Variants in FGFRL1 observed in about 807,000 individuals in gnomAD.
FGFRL1 encodes fibroblast growth factor receptor-like 1.
A neutral mutation model predicts 36.8 loss-of-function variants in FGFRL1; 24 were observed. The ratio of observed to expected loss-of-function variants is 0.65; its 90% CI spans 0.47 to 0.92. The LOEUF is 0.92. Ranked by LOEUF, FGFRL1 falls within the 40% of genes least tolerant of loss-of-function variation. FGFRL1 has a pLI of 0.00. For synonymous variants in FGFRL1, 422 were observed against 344.1 expected (o/e 1.23, Z -2.50); for missense variants, 785 against 753.4 (o/e 1.04, Z -0.49).
intron 2 of FGFRL1, 21 bp downstream of exon 2, chr4:1,012,585 C>G (rs749805497): frequency 2.1e-4 from 263 of 1,235,562 alleles, no homozygotes; most frequent in South Asian, 1.5e-4. Flanking sequence ...GCGCCCAGCC[C>G]GGCCAGCCTG....
Position 1,026,185 on chromosome 4 carries a change from G to T in FGFRL1, c.*838G>T. 6.5e-6 allele frequency: 1 copy of T among 154,130 alleles called. No individual in the cohort carries two copies. Among genetic ancestry groups the T allele is most frequent in the Non-Finnish European group, 1.4e-5 (1 of 70,110 alleles). 9.5% of individuals were successfully genotyped at this position (154,130 alleles called of 1,614,324 possible). On this transcript the variant is annotated 3_prime_UTR_variant, in exon 7 of 7. Coordinates refer to ENST00000510644, the MANE Select transcript of FGFRL1 (RefSeq NM_001004356.3). Reference sequence around the variant, plus strand: ...CACATGTGCACAGATATGCTGTCTGGACATGCACACACGTGCAGATATGCT... The same window carrying T: ...CACATGTGCACAGATATGCTGTCTGTACATGCACACACGTGCAGATATGCT...
chr4:1,025,496 T>C lies in FGFRL1; in HGVS notation c.*149T>C. The C allele has an allele frequency of 1.1e-6, 1 of 882,952 alleles. No individual in the cohort carries two copies. The highest frequency in any genetic ancestry group is 1.7e-6 in the Non-Finnish European group (1 of 581,192). 54.7% of individuals were successfully genotyped at this position (882,952 alleles called of 1,614,324 possible). On this transcript the variant is annotated 3_prime_UTR_variant, in exon 7 of 7. Coordinates refer to ENST00000510644, the MANE Select transcript of FGFRL1 (RefSeq NM_001004356.3). ...CAGTCTGTGTGTGAGGCATAGCCCCTGGACACACACACACAGACACACACA... is the reference window on the plus strand; with the variant it reads ...CAGTCTGTGTGTGAGGCATAGCCCCCGGACACACACACACAGACACACACA...
rs754703776 is a variant in FGFRL1, at chr4:1,024,412, G to A, written c.820G>A (p.Val274Met). The A allele has an allele frequency of 1.3e-5, 21 of 1,612,490 alleles. No individual in the cohort carries two copies. The highest frequency in any genetic ancestry group is 3.3e-5 in the Admixed American group (2 of 59,990). ...CTTCCAGTGCAAGGTGCGCAGCGAC[G>A]TGAAGCCGGTGATCCAGTGGCTGAA... ...TSFQCKVRSDVKPVIQWLKRV... is the reference protein window; with the variant it reads ...TSFQCKVRSDMKPVIQWLKRV... The change falls in exon 6 of 7, where the codon GTG becomes ATG. Residue 274 changes from valine to methionine, a missense_variant. Val to Met is a conservative substitution (Grantham distance 21, BLOSUM62 1). Coordinates refer to ENST00000510644, the MANE Select transcript of FGFRL1 (RefSeq NM_001004356.3).
At chr4:1,014,005 G>A (rs1715748420) in intron 2 of FGFRL1, among the ~76,000 whole-genome samples, 1 of 152,250 alleles carries the variant, frequency 6.6e-6, no homozygotes, top group Non-Finnish European at 1.5e-5. Context: ...GTGGAGGTGG[G>A]GAGGAGGTTC....
intron 2 of FGFRL1, among the ~76,000 whole-genome samples, chr4:1,017,187 G>A (rs1044399964): frequency 1.3e-5 from 2 of 152,146 alleles, no homozygotes; most frequent in African/African-American, 2.4e-5. Flanking sequence ...CCGTGGCCAG[G>A]TCCTGGGTCA....
At position 1,023,920 on chromosome 4, in the gene FGFRL1, G is replaced by T. The variant is rs768632874; in HGVS notation, c.537G>T (p.Arg179=). 16 of 1,581,158 alleles carry T rather than the reference G, an allele frequency of 1.0e-5. No individual in the cohort carries two copies. In the Admixed American group the frequency reaches 2.6e-4, roughly 26 times the overall value. Residue 179 remains arginine (R), a synonymous_variant, in exon 5 of 7, where the codon CGG becomes CGT. Transcript: ENST00000510644. This position sits in a 1 kb window ranked among gnomAD's most constrained non-coding sequence, Gnocchi z 6.0. ...AGTGCGTGGCCAGCGGGCACCCTCG[G>T]CCCGACATCACGTGGATGAAGGACG... ...RLKCVASGHP[R]PDITWMKDDQ...
chr4:1,012,785 G>A (rs916477771), intron 2 of FGFRL1, among the ~76,000 whole-genome samples: 1 of 152,228 alleles, frequency 6.6e-6, no homozygotes, highest in African/African-American at 2.4e-5. Context: ...CCCCTCATGC[G>A]TGCTTGCTGG....
upstream of FGFRL1, chr4:1,011,325 C>G (rs1365386165): frequency 2.0e-5 from 3 of 147,222 alleles, no homozygotes; most frequent in South Asian, 2.1e-4. Context: ...GGCTCCTGGC[C>G]GGTCCTAGGA....
In FGFRL1 at chr4:1,024,583, G is replaced by A; in HGVS notation, c.991G>A (p.Asp331Asn). ...GCTGCTCATCACCCGTGCCCGCCAG[G>A]ACGATGCGGGCATGTACATCTGCCT... ...NKLLITRARQ[D>N]DAGMYICLGA... Residue 331 changes from aspartate (D) to asparagine (N), a missense_variant, in exon 6 of 7, where the codon GAC (aspartate) becomes AAC (asparagine). Asp to Asn is a conservative substitution (Grantham distance 23, BLOSUM62 1). Transcript: ENST00000510644. The A allele has an allele frequency of 1.2e-6, 2 of 1,612,418 alleles. No individual in the cohort carries two copies. Among genetic ancestry groups the A allele is most frequent in the Non-Finnish European group, 1.7e-6 (2 of 1,179,864 alleles).
At chr4:1,014,811 G>A (rs898547389) in intron 2 of FGFRL1, among the ~76,000 whole-genome samples, 2 of 152,176 alleles carry the variant, frequency 1.3e-5, no homozygotes, top group South Asian at 2.1e-4. Flanking sequence ...CGGGCCAGCC[G>A]CCCCGTTTCC....
chr4:1,023,763 C>T lies in FGFRL1; in HGVS notation c.433+42C>T, dbSNP rs375301273. 414 of 1,551,416 alleles carry T rather than the reference C, an allele frequency of 2.7e-4. 2 individuals are homozygous for T. In the African/African-American group the frequency reaches 3.2e-3, roughly 12 times the overall value. On this transcript the variant is annotated intron_variant, in intron 4 of 6. Coordinates refer to ENST00000510644, the MANE Select transcript of FGFRL1 (RefSeq NM_001004356.3). The surrounding 1 kb of genome is among the most constrained non-coding windows in gnomAD (Gnocchi z 6.0). ...GGGGGTGGGGGGCGTCCGTCTGTCC[C>T]GGCCCCTTGGCTGCATCCCCGTCCT... is the stretch of plus-strand genomic sequence containing the variant.
At chr4:1,018,639 G>A (rs1044419251) in intron 2 of FGFRL1, among the ~76,000 whole-genome samples, 9 of 152,162 alleles carry the variant, frequency 5.9e-5, no homozygotes, top group African/African-American at 2.2e-4. Flanking sequence ...ATGCCCCGGC[G>A]GGGGTTCCCT....
chr4:1,017,208 T>C (rs1372116794), intron 2 of FGFRL1, among the ~76,000 whole-genome samples: 1 of 152,082 alleles, frequency 6.6e-6, no homozygotes, highest in East Asian at 1.9e-4. Context: ...GGCCAGAGAA[T>C]TCCTCCAGCT....
rs2153027819 is a variant in FGFRL1, at chr4:1,026,366, T to A, written c.*1019T>A. 1 of 146,904 alleles carries A rather than the reference T, an allele frequency of 6.8e-6. No individual in the cohort carries two copies. The highest frequency in any genetic ancestry group is 2.1e-4 in the South Asian group (1 of 4,678). 9.1% of individuals were successfully genotyped at this position (146,904 alleles called of 1,614,324 possible). On this transcript the variant is annotated 3_prime_UTR_variant, in exon 7 of 7. Transcript: ENST00000510644. ...CGTGAAGCCTGCAGTACGTGTGCCG[T>A]GAGGCTCATAGTTGATGAGGGACTT...
Position 1,012,453 on chromosome 4 carries a change from GC to G in FGFRL1, c.-16-12del. On this transcript the variant is annotated splice_polypyrimidine_tract_variant and intron_variant, in intron 1 of 6. Transcript: ENST00000510644. Reference sequence around the variant, plus strand: ...CCCAGTTCCACGTGTTAGTGACGGCGCCCCCAATGTCCCCAGGTCCGGACAG... The same window carrying G: ...CCCAGTTCCACGTGTTAGTGACGGCGCCCCAATGTCCCCAGGTCCGGACAG... The G allele has an allele frequency of 6.4e-7, 1 of 1,574,732 alleles. No homozygotes were observed. The highest frequency in any genetic ancestry group is 1.1e-5 in the South Asian group (1 of 88,118).
intron 2 of FGFRL1, 62 bp from the exon 3 acceptor site, chr4:1,022,141 C>T (rs1716215820): frequency 1.4e-5 from 18 of 1,301,840 alleles, no homozygotes; most frequent in African/African-American, 4.5e-5. Flanking sequence ...CCCTTTTGAC[C>T]GCCCCCCCGG....
rs568375042 is a variant in FGFRL1, at chr4:1,024,512, C to T, written c.920C>T (p.Pro307Leu). The stretch of plus-strand genomic sequence containing the variant: ...GGCGGCCAGAAGTTTGTGGTGCTGC[C>T]CACGGGTGACGTGTGGTCGCGGCCC... The part of the protein sequence containing the change: ...DVGGQKFVVL[P>L]TGDVWSRPDG... The change falls in exon 6 of 7, where the codon CCC becomes CTC. Residue 307 changes from proline (P) to leucine (L), a missense_variant. Pro to Leu is a moderately conservative substitution (Grantham distance 98). Transcript: ENST00000510644. The T allele has an allele frequency of 2.5e-6, 4 of 1,612,510 alleles. No individual in the cohort carries two copies. The highest frequency in any genetic ancestry group is 2.7e-5 in the African/African-American group (2 of 75,008).
chr4:1,013,392 C>T (rs558559329), intron 2 of FGFRL1, among the ~76,000 whole-genome samples: 78 of 152,378 alleles, frequency 5.1e-4, no homozygotes, highest in African/African-American at 1.6e-3. Context: ...GGATTGTCCG[C>T]GCTGTGTCCA....
Position 1,025,542 on chromosome 4 carries a change from A to G in FGFRL1, c.*195A>G, listed in dbSNP as rs957625704. On this transcript the variant is annotated 3_prime_UTR_variant, in exon 7 of 7. Coordinates refer to ENST00000510644, the MANE Select transcript of FGFRL1 (RefSeq NM_001004356.3). ...ACACACTGCCTGGATGCATGTATGC[A>G]CACACATGCGCGCACACGTGCTCCC... 2.0e-5 allele frequency: 14 copies of G among 687,776 alleles called. No homozygotes were observed. The highest frequency in any genetic ancestry group is 2.9e-5 in the Non-Finnish European group (12 of 415,628). 42.6% of individuals were successfully genotyped at this position (687,776 alleles called of 1,614,324 possible). A position where few individuals can be genotyped will look rare whatever the true frequency, so the allele number is the denominator to read the frequency against.
Sources: allele counts gnomAD v4.1 joint callset (sites outside exome capture counted in the v4.1 genomes callset), GRCh38; gene constraint gnomAD v4.1.1; non-coding constraint Gnocchi (gnomAD v3.1); transcripts MANE v1.5; gene names NCBI Gene and HGNC (gene_info 2026-07-23, HGNC 2026-07-21).